The following XKR6 variants were observed in gnomAD, a reference collection of about 807,000 sequenced individuals.
The protein encoded by XKR6 is XK related 6.
XKR6 carries 22 observed loss-of-function variants against 56.7 expected under a neutral mutation model. The observed-to-expected ratio is 0.39, with a 90% CI of 0.28 to 0.55. The LOEUF is 0.55. XKR6 is among the 20% of genes least tolerant of loss of function. The pLI, the probability that XKR6 is intolerant of heterozygous loss-of-function variation, is 0.66. For missense variants in XKR6, 852 were observed against 889.0 expected (o/e 0.96, Z 0.53); for synonymous variants, 524 against 387.8 (o/e 1.35, Z -4.13).
chr8:10,995,964 G>C (rs568315120), intron 1 of XKR6, among the ~76,000 whole-genome samples: 1 of 152,138 alleles, frequency 6.6e-6, no homozygotes, highest in Non-Finnish European at 1.5e-5. Flanking sequence ...GCCACCTCTT[G>C]TTGGGCCTCC....
chr8:11,096,311 T>C (rs1798261192), intron 1 of XKR6, among the ~76,000 whole-genome samples: 2 of 152,118 alleles, frequency 1.3e-5, no homozygotes, highest in African/African-American at 4.8e-5. Context: ...ATCCATCTGA[T>C]GGAATGCCAA....
At chr8:11,062,548 A>G (rs1799862440) in intron 1 of XKR6, 3 of 359,560 alleles carry the variant, frequency 8.3e-6, no homozygotes, top group South Asian at 6.4e-5. Context: ...GCAAAGACCC[A>G]GGCAAAACAG....
chr8:11,128,367 G>T (rs1314062472), intron 1 of XKR6, among the ~76,000 whole-genome samples: 1 of 152,170 alleles, frequency 6.6e-6, no homozygotes, highest in Non-Finnish European at 1.5e-5. Context: ...TACTATCTGT[G>T]CTGACGCTCC....
intron 1 of XKR6, among the ~76,000 whole-genome samples, chr8:11,091,538 G>C (rs763263022): frequency 2.0e-5 from 3 of 152,172 alleles, no homozygotes; most frequent in Non-Finnish European, 4.4e-5. Context: ...GATGCCAGTA[G>C]CAAGGACAAA....
chr8:10,992,267 TCTCTGTCTCTCTCTCTCTCTCA>T (rs1798010374), intron 1 of XKR6, among the ~76,000 whole-genome samples: 1 of 145,020 alleles, frequency 6.9e-6, no homozygotes, highest in African/African-American at 2.9e-5. Context: ...TCTCTCTGTC[TCTCTGTCTCTCTCTCTCTCTCA>T]CACACACACA....
At chr8:11,170,679 T>C (rs534549927) in intron 1 of XKR6, among the ~76,000 whole-genome samples, 6 of 152,326 alleles carry the variant, frequency 3.9e-5, no homozygotes, top group African/African-American at 1.4e-4. Flanking sequence ...ACAATCTAAG[T>C]GGGTAAATTT....
intron 1 of XKR6, among the ~76,000 whole-genome samples, chr8:11,125,471 G>A (rs2116872428): frequency 6.6e-6 from 1 of 152,246 alleles, no homozygotes; most frequent in South Asian, 2.1e-4. Flanking sequence ...CCACAGAACA[G>A]GTGGGAGCTT....
At chr8:11,069,984 C>T (rs1234132916) in intron 1 of XKR6, among the ~76,000 whole-genome samples, 1 of 152,238 alleles carries the variant, frequency 6.6e-6, no homozygotes, top group East Asian at 1.9e-4. Flanking sequence ...TTCCGCCCTT[C>T]TGCAGGCATT....
intron 1 of XKR6, among the ~76,000 whole-genome samples, chr8:11,186,215 G>A (rs914362894): frequency 1.6e-5 from 2 of 128,172 alleles, no homozygotes; most frequent in African/African-American, 5.9e-5. Flanking sequence ...TAATCTGGAA[G>A]GTACCTGATC....
intron 1 of XKR6, among the ~76,000 whole-genome samples, chr8:10,991,962 A>G (rs1268747210): frequency 6.6e-6 from 1 of 152,212 alleles, no homozygotes; most frequent in Non-Finnish European, 1.5e-5. Context: ...TAGATTCTGT[A>G]TCCACATTCT....
rs1051845797 is a variant in XKR6, at chr8:11,015,919, T to TCTGTC, written c.765-91094_765-91090dup. Among the ~76,000 whole-genome samples, 20 of 138,986 alleles carry TCTGTC rather than the reference T, an allele frequency of 1.4e-4. 1 individual carries two copies. Among genetic ancestry groups the TCTGTC allele is most frequent in the African/African-American group, 4.9e-4 (20 of 40,408 alleles). The allele number at this position is 138,986 out of a possible 152,430, so 91.2% of individuals were successfully genotyped here. A position where few individuals can be genotyped will look rare whatever the true frequency, so the allele number is the denominator to read the frequency against. On this transcript the variant is annotated intron_variant, in intron 1 of 2. Coordinates refer to ENST00000416569, the MANE Select transcript of XKR6 (RefSeq NM_173683.4). ...GGCGGTGCCAGCTCAGACCCACGCC[T>TCTGTC]CTGTCCAAGTCCCGACTCCTGCGGA...
chr8:11,151,100 T>A (rs1314452225), intron 1 of XKR6, among the ~76,000 whole-genome samples: 1 of 152,130 alleles, frequency 6.6e-6, no homozygotes, highest in Non-Finnish European at 1.5e-5. Context: ...GTGCCCCTTT[T>A]ACCACATTCC....
At chr8:10,958,801 T>C (rs1389178110) in intron 1 of XKR6, among the ~76,000 whole-genome samples, 1 of 152,194 alleles carries the variant, frequency 6.6e-6, no homozygotes. Flanking sequence ...AAGTACAACT[T>C]AGCTTCCAGA....
intron 1 of XKR6, among the ~76,000 whole-genome samples, chr8:11,167,663 G>A (rs917927351): frequency 3.9e-5 from 6 of 152,128 alleles, no homozygotes; most frequent in African/African-American, 1.4e-4. Context: ...AACCCAGGAA[G>A]ACCTTAAGCT....
intron 1 of XKR6, among the ~76,000 whole-genome samples, chr8:11,152,713 G>A (rs754836525): frequency 1.3e-5 from 2 of 152,164 alleles, no homozygotes; most frequent in Non-Finnish European, 2.9e-5. Flanking sequence ...GAGAACTAAA[G>A]CGCCATGCCA....
rs376319553 is a variant in XKR6 at position 10,985,839 on chromosome 8, C to T, written c.765-61009G>A. Among the ~76,000 whole-genome samples the T allele has an allele frequency of 5.3e-5, 8 of 152,296 alleles. No individual in the cohort carries two copies. In the East Asian group the frequency reaches 1.5e-3, roughly 29 times the overall value. Reference sequence around the variant, plus strand: ...CAGGCTGGTCTTGAACTCCCGAGCTCAAGCGATCCACCTGCCTTGGACTCC... The same window carrying T: ...CAGGCTGGTCTTGAACTCCCGAGCTTAAGCGATCCACCTGCCTTGGACTCC... On this transcript the variant is annotated intron_variant, in intron 1 of 2. Coordinates refer to ENST00000416569, the MANE Select transcript of XKR6 (RefSeq NM_173683.4).
intron 1 of XKR6, among the ~76,000 whole-genome samples, chr8:11,198,358 G>C (rs928014811): frequency 2.7e-5 from 4 of 150,038 alleles, no homozygotes; most frequent in African/African-American, 9.9e-5. Context: ...GTATAGCTAT[G>C]TTAGAAGAAA....
chr8:10,940,791 T>C (rs997950247), intron 1 of XKR6, among the ~76,000 whole-genome samples: 2 of 152,090 alleles, frequency 1.3e-5, no homozygotes, highest in Non-Finnish European at 2.9e-5. Flanking sequence ...CCCTTTGCAA[T>C]AGGCCGGCGG....
At chr8:11,005,338 T>C (rs1798341947) in intron 1 of XKR6, among the ~76,000 whole-genome samples, 1 of 151,864 alleles carries the variant, frequency 6.6e-6, no homozygotes. Flanking sequence ...AGGTGAAATC[T>C]TGGATAAGAA....
Sources: allele counts gnomAD v4.1 joint callset (sites outside exome capture counted in the v4.1 genomes callset), GRCh38; gene constraint gnomAD v4.1.1; transcripts MANE v1.5; gene names NCBI Gene and HGNC (gene_info 2026-07-23, HGNC 2026-07-21).